ACTR3B: variants seen among roughly 807,000 people sequenced by gnomAD.
ACTR3B encodes the protein actin related protein 3B.
In ACTR3B, 8 loss-of-function variants were observed where a neutral mutation model predicts 59.0. The observed-to-expected ratio is 0.14, with a 90% CI of 0.08 to 0.24. The LOEUF (loss-of-function observed/expected upper bound fraction) is 0.24. Ranked by LOEUF, ACTR3B falls within the 10% of genes least tolerant of loss-of-function variation. The pLI is 1.00. For missense variants in ACTR3B, 245 were observed against 552.3 expected (o/e 0.44, Z 5.58); for synonymous variants, 148 against 197.9 (o/e 0.75, Z 2.12).
intron 2 of ACTR3B, among the ~76,000 whole-genome samples, chr7:152,789,056 G>A (rs62494311): frequency 0.19 from 12,582 of 67,526 alleles, 568 homozygotes; most frequent in African/African-American, 0.31. Flanking sequence ...ACAACAAACA[G>A]CAACAACAAA....
chr7:152,847,653 C>T (rs921289283), intron 9 of ACTR3B, among the ~76,000 whole-genome samples: 3 of 152,088 alleles, frequency 2.0e-5, no homozygotes, highest in African/African-American at 4.8e-5. Context: ...GGCAGAAGAG[C>T]GCAGCAGGGT....
intron 1 of ACTR3B, among the ~76,000 whole-genome samples, chr7:152,781,640 A>G (rs2098154349): frequency 6.6e-6 from 1 of 152,200 alleles, no homozygotes; most frequent in Admixed American, 6.6e-5. Flanking sequence ...GTTGGATTCC[A>G]TAGGCATCTT....
intron 1 of ACTR3B, among the ~76,000 whole-genome samples, chr7:152,761,661 G>A (rs61063791): frequency 0.012 from 1,824 of 151,396 alleles, 28 homozygotes; most frequent in East Asian, 0.033. Context: ...ACTTAGAAAC[G>A]GTGGCAGGGA....
At position 152,814,702 on chromosome 7, in the gene ACTR3B, A is replaced by C. The variant is rs1204952783; in HGVS notation, c.432+57A>C. The C allele has an allele frequency of 7.7e-6, 11 of 1,431,850 alleles. No homozygotes were observed. In the African/African-American group the frequency reaches 1.4e-4, roughly 19 times the overall value. 88.7% of individuals were successfully genotyped at this position (1,431,850 alleles called of 1,614,324 possible). A position where few individuals can be genotyped will look rare whatever the true frequency, so the allele number is the denominator to read the frequency against. ...CACCTGAGCTGTCTAGTAGCGGAAG[A>C]AATGGTATTTCCCAAGGTTCTCCGC... is the stretch of plus-strand genomic sequence containing the variant. On this transcript the variant is annotated intron_variant, in intron 5 of 11. Transcript: ENST00000256001.
At chr7:152,808,016 C>T (rs192042655) in intron 4 of ACTR3B, among the ~76,000 whole-genome samples, 88 of 152,320 alleles carry the variant, frequency 5.8e-4, no homozygotes, top group African/African-American at 2.0e-3. Context: ...ACTCTGTCCC[C>T]GTTGAACACG....
At chr7:152,847,374 G>A (rs968095653) in intron 9 of ACTR3B, among the ~76,000 whole-genome samples, 6 of 152,228 alleles carry the variant, frequency 3.9e-5, no homozygotes, top group African/African-American at 1.4e-4. Flanking sequence ...GGCTGTTGAA[G>A]TTTGTCCTTC....
intron 9 of ACTR3B, among the ~76,000 whole-genome samples, chr7:152,831,621 A>C (rs1460854827): frequency 6.6e-6 from 1 of 152,218 alleles, no homozygotes. Context: ...CTCAGGTCGG[A>C]GTGAAGGCTG....
chr7:152,774,863 C>T (rs11970781), intron 1 of ACTR3B, among the ~76,000 whole-genome samples: 2,727 of 152,074 alleles, frequency 0.018, 88 homozygotes, highest in African/African-American at 0.063. Context: ...GGAGATTGTG[C>T]GTTGCTTTAA....
At chr7:152,802,892 T>C (rs2098241053) in intron 4 of ACTR3B, among the ~76,000 whole-genome samples, 1 of 152,230 alleles carries the variant, frequency 6.6e-6, no homozygotes, top group Non-Finnish European at 1.5e-5. Flanking sequence ...CTATAACGAA[T>C]ATATGTATTT....
At chr7:152,815,202 C>T (rs1483927648) in intron 5 of ACTR3B, among the ~76,000 whole-genome samples, 2 of 152,016 alleles carry the variant, frequency 1.3e-5, no homozygotes, top group African/African-American at 4.8e-5. Context: ...ATGTTTTCTG[C>T]ATAATACTAG....
At chr7:152,833,247 C>T (rs1219870909) in intron 9 of ACTR3B, among the ~76,000 whole-genome samples, 2 of 152,208 alleles carry the variant, frequency 1.3e-5, no homozygotes, top group African/African-American at 4.8e-5. Flanking sequence ...TGTTATGTCC[C>T]TTCCCATCAG....
At chr7:152,794,437 C>T (rs1002065688) in intron 2 of ACTR3B, among the ~76,000 whole-genome samples, 5 of 152,082 alleles carry the variant, frequency 3.3e-5, no homozygotes, top group African/African-American at 9.7e-5. Flanking sequence ...AGGATGGTCT[C>T]GATCTCTTGA....
chr7:152,795,048 T>TC (rs1198676489), intron 2 of ACTR3B, among the ~76,000 whole-genome samples: 7 of 151,724 alleles, frequency 4.6e-5, no homozygotes, highest in Non-Finnish European at 8.8e-5. Context: ...TTTTTTTTTT[T>TC]TTTTGAGATG....
intron 2 of ACTR3B, among the ~76,000 whole-genome samples, chr7:152,791,617 T>C (rs1308589807): frequency 6.6e-6 from 1 of 152,210 alleles, no homozygotes; most frequent in African/African-American, 2.4e-5. Flanking sequence ...AATGTGTGTG[T>C]ATAGTTCTAT....
At chr7:152,776,970 G>A (rs2098137587) in intron 1 of ACTR3B, among the ~76,000 whole-genome samples, 1 of 152,106 alleles carries the variant, frequency 6.6e-6, no homozygotes, top group African/African-American at 2.4e-5. Context: ...TCTATTTTGC[G>A]TGTTTCCAGG....
chr7:152,827,380 T>C (rs781707208), intron 9 of ACTR3B, among the ~76,000 whole-genome samples: 8,542 of 140,312 alleles, frequency 0.061, 3 homozygotes, highest in African/African-American at 0.12. Context: ...TTGAATGTCC[T>C]GGGGCTGGCC....
intron 4 of ACTR3B, among the ~76,000 whole-genome samples, chr7:152,808,608 C>T (rs1244114473): frequency 6.6e-6 from 1 of 152,178 alleles, no homozygotes; most frequent in Non-Finnish European, 1.5e-5. Flanking sequence ...GAAACCTTCC[C>T]CAGCTCTACT....
At chr7:152,783,589 A>G (rs1380537340) in intron 2 of ACTR3B, among the ~76,000 whole-genome samples, 1 of 151,964 alleles carries the variant, frequency 6.6e-6, no homozygotes, top group Non-Finnish European at 1.5e-5. Context: ...CTTGTACTAC[A>G]CTATTCACTC....
At chr7:152,798,538 T>C (rs1395774730) in intron 2 of ACTR3B, among the ~76,000 whole-genome samples, 1 of 152,224 alleles carries the variant, frequency 6.6e-6, no homozygotes, top group Non-Finnish European at 1.5e-5. Flanking sequence ...TAGTTTGATG[T>C]AATCCCAGTT....
Sources: gnomAD v4.1 joint callset for allele counts (sites outside exome capture counted in the v4.1 genomes callset) on GRCh38, gnomAD v4.1.1 for gene constraint, MANE v1.5 for transcripts, NCBI Gene and HGNC (gene_info 2026-07-23, HGNC 2026-07-21) for gene names.